The following LRIG3 variants were observed in gnomAD, a reference collection of about 807,000 sequenced individuals.
LRIG3 encodes the protein leucine-rich repeats and immunoglobulin-like domains protein 3.
Under a neutral mutation model 114.5 loss-of-function variants are expected in LRIG3, and 76 were observed. The ratio of observed to expected loss-of-function variants is 0.66; its 90% CI spans 0.55 to 0.80. The LOEUF (loss-of-function observed/expected upper bound fraction) is 0.80, where lower values mean the gene tolerates loss of function less well. Ranked by LOEUF, LRIG3 falls within the 30% of genes least tolerant of loss-of-function variation. The pLI is 0.00. For synonymous variants in LRIG3, 512 were observed against 519.8 expected (o/e 0.98, Z 0.20); for missense variants, 1,239 against 1,382.8 (o/e 0.90, Z 1.65).
At chr12:58,886,286 G>A (rs904870098) in intron 9 of LRIG3, among the ~76,000 whole-genome samples, 3 of 151,894 alleles carry the variant, frequency 2.0e-5, no homozygotes, top group African/African-American at 7.3e-5. Flanking sequence ...CCATCCATAG[G>A]AGTTTGGGAC....
rs772067247 is a variant in LRIG3 at position 58,879,079 on chromosome 12, T to C, written c.1828A>G (p.Met610Val). 1 of 1,612,982 alleles carries C rather than the reference T, an allele frequency of 6.2e-7. No homozygotes were observed. Among genetic ancestry groups the C allele is most frequent in the South Asian group, 1.1e-5 (1 of 91,038 alleles). ...GCCCCAGCTCGGATGGTGAGATCCA[T>C]GGGGGTCTTGGTGAATGAGGGAAGC... is the stretch of plus-strand genomic sequence containing the variant. ...NMLPSFTKTPMDLTIRAGAMA... is the reference protein window; with the variant it reads ...NMLPSFTKTPVDLTIRAGAMA... Residue 610 changes from methionine (M) to valine (V), a missense_variant, in exon 14 of 19, where the codon ATG (methionine) becomes GTG (valine). Physicochemically the swap from Met to Val is conservative, Grantham distance 21. Coordinates refer to ENST00000320743, the MANE Select transcript of LRIG3 (RefSeq NM_153377.5).
chr12:58,880,855 C>T lies in LRIG3; in HGVS notation c.1527G>A (p.Ser509=), dbSNP rs774290942. The change falls in exon 13 of 19, where the codon TCG becomes TCA. Residue 509 remains serine (S), a synonymous_variant. Transcript: ENST00000320743. ...AACTCAAATTGGAACCTTTTATTGC[C>T]GACTGTGTTTCTGGCTGAACCGTGA... The part of the protein sequence containing the change: ...PQITVQPETQ[S]AIKGSNLSFI... The T allele has an allele frequency of 7.7e-5, 125 of 1,613,800 alleles. 1 individual carries two copies. Among genetic ancestry groups the T allele is most frequent in the East Asian group, 5.3e-4 (24 of 44,870 alleles).
At chr12:58,909,421 A>ATCTTT (rs1473390758) in intron 3 of LRIG3, among the ~76,000 whole-genome samples, 13 of 152,234 alleles carry the variant, frequency 8.5e-5, no homozygotes, top group African/African-American at 2.9e-4. Context: ...AACTGATGTT[A>ATCTTT]TCTTTTCTTT....
At chr12:58,876,812 T>A (rs1262053303) in intron 15 of LRIG3, among the ~76,000 whole-genome samples, 1 of 152,228 alleles carries the variant, frequency 6.6e-6, no homozygotes, top group African/African-American at 2.4e-5. Flanking sequence ...CTTTCTGTTT[T>A]ATCACCCATT....
At position 58,888,927 on chromosome 12, in the gene LRIG3, C is replaced by T. The variant is rs1480454235; in HGVS notation, c.695G>A (p.Gly232Glu). ...AGCACCAAGGCCTTGGAATGTCAGTCCATCTACATTTTTAATCTTGTTTCG... is the reference window on the plus strand; with the variant it reads ...AGCACCAAGGCCTTGGAATGTCAGTTCATCTACATTTTTAATCTTGTTTCG... ...LNRNKIKNVD[G>E]LTFQGLGALK... The change falls in exon 6 of 19, where the codon GGA (glycine) becomes GAA (glutamate). Residue 232 changes from glycine (G) to glutamate (E), a missense_variant. Gly to Glu is a moderately conservative substitution (Grantham distance 98, BLOSUM62 -2). Transcript: ENST00000320743. 2 of 1,613,726 alleles carry T rather than the reference C, an allele frequency of 1.2e-6. No individual in the cohort carries two copies. The highest frequency in any genetic ancestry group is 8.5e-7 in the Non-Finnish European group (1 of 1,179,790).
At chr12:58,873,707 C>A in intron 18 of LRIG3, 1 of 326,868 alleles carries the variant, frequency 3.1e-6, no homozygotes, top group Non-Finnish European at 5.7e-6. Context: ...TCATGCAGAG[C>A]ACACAACTCC....
intron 18 of LRIG3, chr12:58,873,724 A>G: frequency 2.8e-6 from 1 of 361,960 alleles, no homozygotes; most frequent in Non-Finnish European, 5.1e-6. Flanking sequence ...CTCCACCCCA[A>G]AGGCCGTGGG....
chr12:58,919,690 C>G, intron 1 of LRIG3: 1 of 1,085,374 alleles, frequency 9.2e-7, no homozygotes, highest in Non-Finnish European at 1.3e-6. Flanking sequence ...CATTTGAACC[C>G]CTTGGCTAGC....
At chr12:58,909,682 A>G (rs1043149353) in intron 3 of LRIG3, among the ~76,000 whole-genome samples, 13 of 152,228 alleles carry the variant, frequency 8.5e-5, no homozygotes, top group African/African-American at 3.1e-4. Flanking sequence ...GATAGACATC[A>G]GCATTATTCT....
intron 3 of LRIG3, among the ~76,000 whole-genome samples, chr12:58,907,713 AC>A (rs1384361090): frequency 6.6e-6 from 1 of 152,234 alleles, no homozygotes; most frequent in Non-Finnish European, 1.5e-5. Flanking sequence ...CTAAGGTCAG[AC>A]AGGTTAGTAG....
rs780411907 is a variant in LRIG3, at chr12:58,874,507, G to A, written c.2762C>T (p.Pro921Leu). 1.4e-5 allele frequency: 23 copies of A among 1,614,008 alleles called. No homozygotes were observed. The highest frequency in any genetic ancestry group is 1.8e-5 in the Non-Finnish European group (21 of 1,180,024). Residue 921 changes from proline to leucine, a missense_variant, in exon 17 of 19, where the codon CCG becomes CTG. Pro to Leu is a moderately conservative substitution (Grantham distance 98). Transcript: ENST00000320743. ...VEAATDLFLCPFLGSTGPMYL... is the reference protein window; with the variant it reads ...VEAATDLFLCLFLGSTGPMYL... ...CATAGGGCCTGTGGATCCCAAAAAC[G>A]GACAAAGGAACAGATCTGTGGCAGC...
Position 58,880,827 on chromosome 12 carries a change from T to C in LRIG3, c.1555A>G (p.Ile519Val), listed in dbSNP as rs202006711. 6 of 1,614,072 alleles carry C rather than the reference T, an allele frequency of 3.7e-6. No individual in the cohort carries two copies. The highest frequency in any genetic ancestry group is 2.7e-5 in the African/African-American group (2 of 74,936). ...TCACTGCTGCTGGCAGCTGAGCAGA[T>C]GAAACTCAAATTGGAACCTTTTATT... ...SAIKGSNLSFICSAASSSDSP... is the reference protein window; with the variant it reads ...SAIKGSNLSFVCSAASSSDSP... The change falls in exon 13 of 19, where the codon ATC becomes GTC. Residue 519 changes from isoleucine to valine, a missense_variant. Physicochemically the swap from Ile to Val is conservative, Grantham distance 29 (BLOSUM62 3). Coordinates refer to ENST00000320743, the MANE Select transcript of LRIG3 (RefSeq NM_153377.5).
chr12:58,919,314 T>A (rs967855059), intron 1 of LRIG3: 1 of 1,451,198 alleles, frequency 6.9e-7, no homozygotes, highest in Non-Finnish European at 9.4e-7. Flanking sequence ...CTAAACCGTC[T>A]GGGCGTTCTG....
At chr12:58,911,022 G>A (rs1388171152) in intron 3 of LRIG3, among the ~76,000 whole-genome samples, 2 of 152,176 alleles carry the variant, frequency 1.3e-5, no homozygotes, top group Non-Finnish European at 2.9e-5. Context: ...TCCTGCAATA[G>A]CTAGGATATT....
At chr12:58,880,996 G>A (rs1592295250) in intron 12 of LRIG3, 95 bp from the exon 13 acceptor site, 10 of 1,217,876 alleles carry the variant, frequency 8.2e-6, no homozygotes, top group Middle Eastern at 2.0e-4. Flanking sequence ...AAAAACAGTG[G>A]CTTAGGTTTT....
rs1409535866 is a variant in LRIG3 at position 58,876,554 on chromosome 12, TC to T, written c.2585del (p.Gly862GlufsTer3). 1 of 1,614,208 alleles carries T rather than the reference TC, an allele frequency of 6.2e-7. No individual in the cohort carries two copies. The highest frequency in any genetic ancestry group is 1.1e-5 in the South Asian group (1 of 91,082). ...ACCCATCCTGCCTGTCAGCTAACGT[TC>T]CCTGAGATGACAAATAACTAGGAAT... ...ADIPSYLSSQ[G>X]TLADRQDGYV... On this transcript the variant is annotated frameshift_variant, in exon 16 of 19. Transcript: ENST00000320743. LOFTEE classifies it high-confidence loss of function.
chr12:58,897,594 C>T (rs1056831236), intron 3 of LRIG3, among the ~76,000 whole-genome samples: 1 of 152,014 alleles, frequency 6.6e-6, no homozygotes. Context: ...ACAACAACAA[C>T]AAAAAATCAA....
rs1296187908 is a variant in LRIG3, at chr12:58,880,689, TG to T, written c.1692del (p.Ile565SerfsTer35). On this transcript the variant is annotated frameshift_variant, in exon 13 of 19. Coordinates refer to ENST00000320743, the MANE Select transcript of LRIG3 (RefSeq NM_153377.5). LOFTEE classifies it high-confidence loss of function. ...AATTCCACCTCGCGCAGCCGAAGGA[TG>T]GTGGTATACTCCATCACCTCGCCAC... ...AQGGEVMEYT[T>X]ILRLREVEFA... is the part of the protein sequence containing the mutation. 6.2e-7 allele frequency: 1 copy of T among 1,614,062 alleles called. No homozygotes were observed. Among genetic ancestry groups the T allele is most frequent in the African/African-American group, 1.3e-5 (1 of 74,924 alleles).
intron 5 of LRIG3, 22 bp downstream of exon 5, chr12:58,889,974 T>C (rs201538907): frequency 9.7e-5 from 156 of 1,612,396 alleles, no homozygotes; most frequent in Admixed American, 1.7e-4. Flanking sequence ...AGAAACAGTA[T>C]CTAAGAGGAC....
Sources: allele counts gnomAD v4.1 joint callset (sites outside exome capture counted in the v4.1 genomes callset), GRCh38; gene constraint gnomAD v4.1.1; transcripts MANE v1.5; gene names NCBI Gene and HGNC (gene_info 2026-07-23, HGNC 2026-07-21).